Variants in ERBB4 observed in about 807,000 individuals in gnomAD.
ERBB4 encodes the protein receptor tyrosine-protein kinase erbB-4.
ERBB4 carries 42 observed loss-of-function variants against 158.0 expected under a neutral mutation model. The ratio of observed to expected loss-of-function variants is 0.27; its 90% CI spans 0.21 to 0.34. The LOEUF is 0.34. Among genes scored for constraint, ERBB4 ranks in the 10% least tolerant of loss-of-function variants. ERBB4 has a pLI of 1.00. For missense variants in ERBB4, 1,333 were observed against 1,624.1 expected (o/e 0.82, Z 3.08); for synonymous variants, 583 against 558.7 (o/e 1.04, Z -0.61).
At chr2:212,524,433 C>T (rs927716293) in intron 1 of ERBB4, among the ~76,000 whole-genome samples, 3 of 151,876 alleles carry the variant, frequency 2.0e-5, no homozygotes, top group Admixed American at 2.0e-4. Context: ...TGGTTATCAC[C>T]ACATAGATGA....
chr2:211,423,050 CCAAA>C (rs530395493), intron 23 of ERBB4, among the ~76,000 whole-genome samples: 16 of 151,500 alleles, frequency 1.1e-4, no homozygotes, highest in East Asian at 7.7e-4. Context: ...TTTTTTCTCC[CCAAA>C]CAAAGCTCAA....
chr2:212,002,294 G>A (rs536173417), intron 2 of ERBB4, among the ~76,000 whole-genome samples: 3 of 152,196 alleles, frequency 2.0e-5, no homozygotes, highest in East Asian at 3.9e-4. Context: ...GCAGAAGAGG[G>A]GTTTCAGAGG....
intron 4 of ERBB4, among the ~76,000 whole-genome samples, chr2:211,763,543 T>C (rs2075468815): frequency 6.6e-6 from 1 of 152,210 alleles, no homozygotes; most frequent in Non-Finnish European, 1.5e-5. Context: ...ACACAGCTTC[T>C]TCAACCCTGA....
At chr2:212,160,828 A>C (rs528319599) in intron 1 of ERBB4, among the ~76,000 whole-genome samples, 1 of 152,074 alleles carries the variant, frequency 6.6e-6, no homozygotes, top group South Asian at 2.1e-4. Context: ...CACCTTTGTG[A>C]GATATCCGCA....
At chr2:211,691,566 A>T (rs2072816162) in intron 12 of ERBB4, among the ~76,000 whole-genome samples, 1 of 87,934 alleles carries the variant, frequency 1.1e-5, no homozygotes, top group Non-Finnish European at 2.4e-5. Flanking sequence ...GCATAGAAAC[A>T]TATGTGTGTG....
At chr2:211,709,766 T>C (rs1314599125) in intron 9 of ERBB4, among the ~76,000 whole-genome samples, 1 of 152,184 alleles carries the variant, frequency 6.6e-6, no homozygotes, top group East Asian at 1.9e-4. Flanking sequence ...TATAATTCCC[T>C]AGTTGTGTTG....
chr2:212,025,620 T>C (rs900913072), intron 2 of ERBB4, among the ~76,000 whole-genome samples: 1 of 151,800 alleles, frequency 6.6e-6, no homozygotes, highest in Admixed American at 6.6e-5. Context: ...CCTAAGTCTG[T>C]TGCATTAATT....
At chr2:212,295,824 A>C (rs916719592) in intron 1 of ERBB4, among the ~76,000 whole-genome samples, 44 of 152,154 alleles carry the variant, frequency 2.9e-4, no homozygotes, top group African/African-American at 9.6e-4. Flanking sequence ...TTTGATTTAA[A>C]TGTTGTATGC....
At chr2:211,631,538 T>C (rs1416615574) in intron 16 of ERBB4, among the ~76,000 whole-genome samples, 1 of 152,186 alleles carries the variant, frequency 6.6e-6, no homozygotes, top group Non-Finnish European at 1.5e-5. Flanking sequence ...GAAATCTTCA[T>C]TCTTAAAATG....
At chr2:212,337,448 T>A (rs1392264801) in intron 1 of ERBB4, among the ~76,000 whole-genome samples, 2 of 152,122 alleles carry the variant, frequency 1.3e-5, no homozygotes, top group African/African-American at 2.4e-5. Context: ...ATGCAACAAA[T>A]CCGCTTTCAC....
intron 1 of ERBB4, among the ~76,000 whole-genome samples, chr2:212,491,365 G>A (rs529914732): frequency 2.0e-5 from 3 of 151,480 alleles, no homozygotes; most frequent in Non-Finnish European, 3.0e-5. Flanking sequence ...GTCAACACAC[G>A]ACCTTTATAA....
chr2:212,488,935 A>G lies in ERBB4; in HGVS notation c.82+49514T>C, dbSNP rs572340089. Reference sequence around the variant, plus strand: ...CTGGTCAGCAAGAGAGAGAGGGAATAACTTCCCACTTCGCCATTCATACTA... The same window carrying G: ...CTGGTCAGCAAGAGAGAGAGGGAATGACTTCCCACTTCGCCATTCATACTA... On this transcript the variant is annotated intron_variant, in intron 1 of 27. Coordinates refer to ENST00000342788, the MANE Select transcript of ERBB4 (RefSeq NM_005235.3). 2.7e-5 allele frequency among the ~76,000 whole-genome samples: 4 copies of G among 148,954 alleles called. No homozygotes were observed. The South Asian group carries it at 8.6e-4, about 32-fold the overall frequency.
chr2:211,639,942 C>T lies in ERBB4; in HGVS notation c.1947-9348G>A, dbSNP rs374937522. Reference sequence around the variant, plus strand: ...TTCACCATGTTGGCCAGGCTGGTCTCGAACTCCTGACCTCAGGTGATCTGC... The same window carrying T: ...TTCACCATGTTGGCCAGGCTGGTCTTGAACTCCTGACCTCAGGTGATCTGC... On this transcript the variant is annotated intron_variant, in intron 16 of 27. Coordinates refer to ENST00000342788, the MANE Select transcript of ERBB4 (RefSeq NM_005235.3). 3.9e-5 allele frequency among the ~76,000 whole-genome samples: 6 copies of T among 152,136 alleles called. No homozygotes were observed. The South Asian group carries it at 6.2e-4, about 16-fold the overall frequency.
chr2:212,133,423 G>GTT lies in ERBB4; in HGVS notation c.83-8522_83-8521dup, dbSNP rs376496983. 1.1e-3 allele frequency among the ~76,000 whole-genome samples: 150 copies of GTT among 132,006 alleles called. 1 individual carries two copies. The highest frequency in any genetic ancestry group is 6.2e-3 in the South Asian group (26 of 4,166). 86.6% of individuals were successfully genotyped at this position (132,006 alleles called of 152,430 possible). A position where few individuals can be genotyped will look rare whatever the true frequency, so the allele number is the denominator to read the frequency against. ...TTTTTTTTTGTTTTGTTTTGTTTTT[G>GTT]TTTTTTTTTTTGCTATGTGAATTTA... On this transcript the variant is annotated intron_variant, in intron 1 of 27. Coordinates refer to ENST00000342788, the MANE Select transcript of ERBB4 (RefSeq NM_005235.3).
intron 4 of ERBB4, among the ~76,000 whole-genome samples, chr2:211,776,082 T>C (rs570444817): frequency 7.2e-5 from 11 of 152,190 alleles, no homozygotes; most frequent in Non-Finnish European, 1.0e-4. Context: ...TTTGTTAATG[T>C]AACTATTCGA....
chr2:212,480,608 T>C (rs540424817), intron 1 of ERBB4, among the ~76,000 whole-genome samples: 3 of 152,184 alleles, frequency 2.0e-5, no homozygotes, highest in South Asian at 2.1e-4. Flanking sequence ...TGTCTGTGAA[T>C]TGAATTGTAG....
intron 1 of ERBB4, among the ~76,000 whole-genome samples, chr2:212,423,374 G>T (rs1240546070): frequency 6.6e-6 from 1 of 152,158 alleles, no homozygotes; most frequent in Admixed American, 6.5e-5. Context: ...GAAAAAAGAG[G>T]TGTCACCTTT....
intron 2 of ERBB4, among the ~76,000 whole-genome samples, chr2:211,957,579 A>G (rs1182487602): frequency 6.6e-6 from 1 of 152,082 alleles, no homozygotes; most frequent in Non-Finnish European, 1.5e-5. Flanking sequence ...CAGGATCTTT[A>G]TCTGTAAAAT....
At chr2:211,688,120 G>A (rs1346163173) in intron 12 of ERBB4, among the ~76,000 whole-genome samples, 2 of 152,068 alleles carry the variant, frequency 1.3e-5, no homozygotes, top group African/African-American at 2.4e-5. Flanking sequence ...GCATGACATC[G>A]TATTTGAAGA....
Sources: gnomAD v4.1 joint callset for allele counts (sites outside exome capture counted in the v4.1 genomes callset) on GRCh38, gnomAD v4.1.1 for gene constraint, MANE v1.5 for transcripts, NCBI Gene and HGNC (gene_info 2026-07-23, HGNC 2026-07-21) for gene names.